TBX5: variants seen among roughly 807,000 people sequenced by gnomAD.
TBX5 encodes T-box transcription factor 5, also known as T-box transcription factor TBX5.
A neutral mutation model predicts 51.1 loss-of-function variants in TBX5; 8 were observed. The ratio of observed to expected loss-of-function variants is 0.16; its 90% CI spans 0.09 to 0.28. The LOEUF (loss-of-function observed/expected upper bound fraction) is 0.28, where lower values mean the gene tolerates loss of function less well. Ranked by LOEUF, TBX5 falls within the 10% of genes least tolerant of loss-of-function variation. The probability of loss-of-function intolerance (pLI) is 1.00; values close to 1 mark genes in which losing one functional copy is unlikely to be tolerated. For missense variants in TBX5, 589 were observed against 671.7 expected, an observed-to-expected ratio of 0.88 and a Z score of 1.36; for synonymous variants, 302 against 266.4, an observed-to-expected ratio of 1.13 and a Z score of -1.30.
In TBX5 at chr12:114,384,744, C is replaced by A. The variant is rs201487595; in HGVS notation, c.755+732G>T. 1.6e-4 allele frequency among the ~76,000 whole-genome samples: 10 copies of A among 62,558 alleles called. No individual in the cohort carries two copies. In the Admixed American group the frequency reaches 1.7e-3, roughly 11 times the overall value. 41.0% of individuals were successfully genotyped at this position (62,558 alleles called of 152,430 possible). ...ACACACACACACACACACACACACA[C>A]AACACACACACACAAACCTTCTTGG... On this transcript the variant is annotated intron_variant, in intron 7 of 8. Coordinates refer to ENST00000405440, the MANE Select transcript of TBX5 (RefSeq NM_181486.4).
At chr12:114,365,856 A>G (rs925124679) in intron 8 of TBX5, among the ~76,000 whole-genome samples, 4 of 151,866 alleles carry the variant, frequency 2.6e-5, no homozygotes, top group Non-Finnish European at 5.9e-5. Context: ...GAAAAAAAAA[A>G]GTAAAAATAA....
upstream of TBX5, chr12:114,408,075 C>A: frequency 1.0e-6 from 1 of 985,444 alleles, no homozygotes; most frequent in South Asian, 4.7e-5. Flanking sequence ...ACTATCTCAC[C>A]AGCCGCTGCA....
intron 7 of TBX5, among the ~76,000 whole-genome samples, chr12:114,376,514 T>C (rs982481217): frequency 6.6e-6 from 1 of 152,024 alleles, no homozygotes; most frequent in Non-Finnish European, 1.5e-5. Context: ...GAGATATAGG[T>C]CAAAGGCATT....
rs1355537960 is a variant in TBX5 at position 114,402,365 on chromosome 12, T to C, written c.148-445A>G. Among the ~76,000 whole-genome samples the C allele has an allele frequency of 2.0e-5, 3 of 152,084 alleles. No homozygotes were observed. The East Asian group carries it at 5.8e-4, about 29-fold the overall frequency. On this transcript the variant is annotated intron_variant, in intron 2 of 8. Transcript: ENST00000405440. ...GATAAAAAACCTAATTTAGAAAAAC[T>C]AGGAACCTAATCTAGAAAACCACTC...
chr12:114,385,374 G>C, intron 7 of TBX5, 102 bp downstream of exon 7: 1 of 962,024 alleles, frequency 1.0e-6, no homozygotes, highest in South Asian at 1.3e-5. Context: ...GCATTCTACG[G>C]GCAGGAAGGC....
chr12:114,375,623 A>C (rs902192474), intron 7 of TBX5, among the ~76,000 whole-genome samples: 2 of 152,240 alleles, frequency 1.3e-5, no homozygotes, highest in Admixed American at 6.5e-5. Context: ...CTATTCTCAA[A>C]AAGACAAAAG....
chr12:114,395,391 A>T (rs1871362496), intron 5 of TBX5, among the ~76,000 whole-genome samples: 2 of 148,134 alleles, frequency 1.4e-5, no homozygotes, highest in African/African-American at 2.5e-5. Flanking sequence ...TGAAATAAGT[A>T]AAAAAAAAAA....
chr12:114,408,384 C>T (rs1872360933), upstream of TBX5: 1 of 194,718 alleles, frequency 5.1e-6, no homozygotes, highest in Non-Finnish European at 9.3e-6. Flanking sequence ...CCACCTCAGA[C>T]CTCTATTGGA....
chr12:114,372,652 T>A (rs757087908), intron 7 of TBX5, among the ~76,000 whole-genome samples: 15 of 151,920 alleles, frequency 9.9e-5, no homozygotes, highest in Non-Finnish European at 1.9e-4. Flanking sequence ...ATTTGAGGGG[T>A]GCCAAGAAAC....
Position 114,366,301 on chromosome 12 carries a change from G to C in TBX5, c.846C>G (p.Ser282=). ...SPFSSESRAL[S]TSSNLGSQYQ... ...ATTGGGACCCCAAATTGGATGAGGT[G>C]GAGAGAGCTCGAGACTCGCTGCTGA... Residue 282 remains serine (S), a synonymous_variant, in exon 8 of 9, where the codon TCC becomes TCG. Coordinates refer to ENST00000405440, the MANE Select transcript of TBX5 (RefSeq NM_181486.4). 6.2e-7 allele frequency: 1 copy of C among 1,614,098 alleles called. No homozygotes were observed. The highest frequency in any genetic ancestry group is 8.5e-7 in the Non-Finnish European group (1 of 1,180,016).
At chr12:114,399,121 C>A (rs955395988) in intron 4 of TBX5, among the ~76,000 whole-genome samples, 4 of 152,170 alleles carry the variant, frequency 2.6e-5, no homozygotes, top group African/African-American at 7.2e-5. Context: ...ACTCGAATAC[C>A]ACGAGTCGAT....
chr12:114,401,409 T>C lies in TBX5; in HGVS notation c.242+417A>G, dbSNP rs149335785. ...GTGGGAATGAGGATTGGAGTAAAGA[T>C]AAAGTCCAAGATCCCTGAAACCCAA... On this transcript the variant is annotated intron_variant, in intron 3 of 8. Coordinates refer to ENST00000405440, the MANE Select transcript of TBX5 (RefSeq NM_181486.4). Among the ~76,000 whole-genome samples, 3 of 152,316 alleles carry C rather than the reference T, an allele frequency of 2.0e-5. No homozygotes were observed. In the East Asian group the frequency reaches 5.8e-4, roughly 29 times the overall value.
At chr12:114,359,701 G>A (rs1262955416) in intron 8 of TBX5, among the ~76,000 whole-genome samples, 1 of 152,200 alleles carries the variant, frequency 6.6e-6, no homozygotes, top group Non-Finnish European at 1.5e-5. Flanking sequence ...ATGCATCCAA[G>A]GCACAGATAT....
At chr12:114,371,873 C>G (rs1869930009) in intron 7 of TBX5, among the ~76,000 whole-genome samples, 1 of 151,990 alleles carries the variant, frequency 6.6e-6, no homozygotes, top group South Asian at 2.1e-4. Flanking sequence ...GAGGGCACAC[C>G]CAAGGCTGGA....
intron 7 of TBX5, among the ~76,000 whole-genome samples, chr12:114,382,039 A>G (rs1870532341): frequency 2.0e-5 from 3 of 152,250 alleles, no homozygotes; most frequent in African/African-American, 2.4e-5. Context: ...GCAATCTGCA[A>G]TACCTTGACA....
At chr12:114,361,993 TG>T (rs1365547775) in intron 8 of TBX5, among the ~76,000 whole-genome samples, 4 of 152,106 alleles carry the variant, frequency 2.6e-5, no homozygotes, top group African/African-American at 9.7e-5. Flanking sequence ...CATCTCAAGC[TG>T]GGCCACTCAC....
chr12:114,361,113 T>C (rs1164459997), intron 8 of TBX5, among the ~76,000 whole-genome samples: 2 of 152,086 alleles, frequency 1.3e-5, no homozygotes, highest in Non-Finnish European at 2.9e-5. Flanking sequence ...GATGCATCCA[T>C]CCCAGATCTG....
At chr12:114,384,311 T>C (rs1870674308) in intron 7 of TBX5, among the ~76,000 whole-genome samples, 1 of 151,946 alleles carries the variant, frequency 6.6e-6, no homozygotes, top group South Asian at 2.1e-4. Context: ...GGTCTTGCTA[T>C]GTTGTCCCAA....
In TBX5 at chr12:114,356,095, A is replaced by T. The variant is rs1593836968; in HGVS notation, c.994T>A (p.Ser332Thr). The change falls in exon 9 of 9, where the codon TCC becomes ACC. Residue 332 changes from serine to threonine, a missense_variant. Physicochemically the swap from Ser to Thr is moderately conservative, Grantham distance 58. Transcript: ENST00000405440. ...TTCTTATAGGGATGGTCTGTGGTGGAACATTCTTCCTCTGTGAAGACAGGA... is the reference window on the plus strand; with the variant it reads ...TTCTTATAGGGATGGTCTGTGGTGGTACATTCTTCCTCTGTGAAGACAGGA... ...HCTKRKEEEC[S>T]TTDHPYKKPY... 4 of 1,611,386 alleles carry T rather than the reference A, an allele frequency of 2.5e-6. No individual in the cohort carries two copies. In the East Asian group the frequency reaches 8.9e-5, roughly 36 times the overall value.
Sources: allele counts gnomAD v4.1 joint callset (sites outside exome capture counted in the v4.1 genomes callset), GRCh38; gene constraint gnomAD v4.1.1; transcripts MANE v1.5; gene names NCBI Gene and HGNC (gene_info 2026-07-23, HGNC 2026-07-21).